LCOR: variants seen among roughly 807,000 people sequenced by gnomAD.
LCOR encodes ligand dependent nuclear receptor corepressor.
Under a neutral mutation model 64.4 loss-of-function variants are expected in LCOR, and 14 were observed. That is an observed-to-expected ratio of 0.22 (90% confidence interval 0.14 to 0.34). The LOEUF (loss-of-function observed/expected upper bound fraction) is 0.34, where lower values mean the gene tolerates loss of function less well. LCOR is among the 10% of genes least tolerant of loss of function. The pLI, the probability that LCOR is intolerant of heterozygous loss-of-function variation, is 1.00. For missense variants in LCOR, 1,686 were observed against 1,765.3 expected (o/e 0.96, Z 0.80); for synonymous variants, 643 against 642.5 (o/e 1.00, Z -0.01).
intron 2 of LCOR, among the ~76,000 whole-genome samples, chr10:96,862,761 A>C (rs1285318256): frequency 1.3e-5 from 2 of 152,228 alleles, no homozygotes; most frequent in African/African-American, 4.8e-5. Context: ...GTACAAAAAG[A>C]CAACACTTTG....
At chr10:96,944,734 A>T (rs897552174) in intron 5 of LCOR, among the ~76,000 whole-genome samples, 5 of 152,038 alleles carry the variant, frequency 3.3e-5, no homozygotes, top group Admixed American at 1.3e-4. Flanking sequence ...TTAGGGAAAT[A>T]ATTATTATGT....
At position 96,993,780 on chromosome 10, in the gene LCOR, G is replaced by T. The variant is rs1022358463; in HGVS notation, c.*8646G>T. 1.3e-5 allele frequency: 2 copies of T among 149,118 alleles called. No homozygotes were observed. Among genetic ancestry groups the T allele is most frequent in the Non-Finnish European group, 3.0e-5 (2 of 67,530 alleles). The allele number at this position is 149,118 out of a possible 1,614,324, so 9.2% of individuals were successfully genotyped here. On this transcript the variant is annotated 3_prime_UTR_variant, in exon 8 of 8. Transcript: ENST00000421806. Reference sequence around the variant, plus strand: ...ATATATTATATATATATATATACAGGTGTATGATAAACTGGTCAGTGGTCA... The same window carrying T: ...ATATATTATATATATATATATACAGTTGTATGATAAACTGGTCAGTGGTCA...
At chr10:96,974,927 G>A (rs2134557401) in intron 7 of LCOR, among the ~76,000 whole-genome samples, 1 of 152,356 alleles carries the variant, frequency 6.6e-6, no homozygotes, top group East Asian at 1.9e-4. Flanking sequence ...CCAGCACTTT[G>A]GGAAGCCGAG....
chr10:96,832,896 G>C, intron 1 of LCOR: 1 of 760,022 alleles, frequency 1.3e-6, no homozygotes, highest in Non-Finnish European at 1.6e-6. Flanking sequence ...CGCGGGGCGC[G>C]CCCCCGGGTC....
At chr10:96,862,851 A>T (rs977512232) in intron 2 of LCOR, among the ~76,000 whole-genome samples, 4 of 151,886 alleles carry the variant, frequency 2.6e-5, no homozygotes, top group Non-Finnish European at 5.9e-5. Flanking sequence ...TCTTTTTTAA[A>T]GTTTAGTAAT....
intron 2 of LCOR, among the ~76,000 whole-genome samples, chr10:96,897,512 A>G (rs576084632): frequency 3.3e-5 from 5 of 152,344 alleles, no homozygotes; most frequent in African/African-American, 1.2e-4. Flanking sequence ...TGGATTTCCA[A>G]AGACTTAATC....
At chr10:96,844,578 G>A (rs1460362834) in intron 2 of LCOR, among the ~76,000 whole-genome samples, 1 of 152,100 alleles carries the variant, frequency 6.6e-6, no homozygotes, top group African/African-American at 2.4e-5. Context: ...CTCTTCAGCT[G>A]TCACAGTCCT....
chr10:96,957,061 T>A (rs894683372), intron 7 of LCOR: 1 of 985,330 alleles, frequency 1.0e-6, no homozygotes, highest in Middle Eastern at 5.2e-4. Flanking sequence ...CCGATATGAT[T>A]TAGGATGCAT....
intron 7 of LCOR, chr10:96,956,635 T>C (rs903955138): frequency 2.5e-5 from 25 of 985,768 alleles, no homozygotes; most frequent in Admixed American, 6.1e-5. Flanking sequence ...GTTAATTACT[T>C]TGAACACTAC....
chr10:96,887,722 C>G (rs947842723), intron 2 of LCOR, among the ~76,000 whole-genome samples: 1 of 151,306 alleles, frequency 6.6e-6, no homozygotes, highest in African/African-American at 2.4e-5. Context: ...TTACTCTCAC[C>G]CAGGCTATAG....
rs147562020 is a variant in LCOR at position 96,899,958 on chromosome 10, T to C, written c.-329-7307T>C. On this transcript the variant is annotated intron_variant, in intron 2 of 7. Coordinates refer to ENST00000421806, the MANE Select transcript of LCOR (RefSeq NM_001346516.2). ...ATTTACATACCTTACAATTCACCTA[T>C]TTTAAGTGTGCAGTTCACCGATTTT... Among the ~76,000 whole-genome samples, 545 of 152,278 alleles carry C rather than the reference T, an allele frequency of 3.6e-3. 3 individuals are homozygous for C. The highest frequency in any genetic ancestry group is 0.012 in the African/African-American group (503 of 41,574).
At chr10:96,842,710 A>C (rs1340792020) in intron 2 of LCOR, among the ~76,000 whole-genome samples, 3 of 141,038 alleles carry the variant, frequency 2.1e-5, no homozygotes, top group Non-Finnish European at 4.6e-5. Context: ...GGCTCACTGC[A>C]TCCTTTTCCT....
intron 4 of LCOR, among the ~76,000 whole-genome samples, chr10:96,943,340 G>T (rs1342750923): frequency 1.3e-5 from 2 of 152,088 alleles, no homozygotes; most frequent in African/African-American, 4.8e-5. Flanking sequence ...CAAGTGATCC[G>T]CCCGCCTCGG....
At chr10:96,934,818 T>A (rs1281252760) in intron 4 of LCOR, among the ~76,000 whole-genome samples, 1 of 152,176 alleles carries the variant, frequency 6.6e-6, no homozygotes, top group East Asian at 1.9e-4. Flanking sequence ...GCCAGACTGG[T>A]GTCAAACTCC....
In LCOR at chr10:96,921,397, A is replaced by G. The variant is rs188667863; in HGVS notation, c.-184+13650A>G. On this transcript the variant is annotated intron_variant, in intron 4 of 7. Transcript: ENST00000421806. ...TTTAGCTCTTACAATTAGGTCTTCA[A>G]TCTATTTTGAGTAAATTTTTATATA... Among the ~76,000 whole-genome samples, 111 of 152,250 alleles carry G rather than the reference A, an allele frequency of 7.3e-4. 1 individual carries two copies. Among genetic ancestry groups the G allele is most frequent in the African/African-American group, 2.3e-3 (96 of 41,532 alleles).
chr10:96,874,252 G>T (rs1006021479), intron 2 of LCOR, among the ~76,000 whole-genome samples: 9 of 152,058 alleles, frequency 5.9e-5, no homozygotes, highest in African/African-American at 1.7e-4. Context: ...TTCCACGTGC[G>T]CCATCATTAA....
At chr10:96,866,908 C>G in intron 2 of LCOR, among the ~76,000 whole-genome samples, 1 of 152,144 alleles carries the variant, frequency 6.6e-6, no homozygotes. Flanking sequence ...TGTGCCACCA[C>G]TTTACATTCC....
intron 2 of LCOR, among the ~76,000 whole-genome samples, chr10:96,839,184 A>G (rs1389261935): frequency 6.6e-6 from 1 of 152,162 alleles, no homozygotes; most frequent in Non-Finnish European, 1.5e-5. Context: ...ATTTATTCAG[A>G]TCCCTTGCCC....
chr10:96,948,450 C>T (rs1847623421), intron 5 of LCOR, among the ~76,000 whole-genome samples: 1 of 152,156 alleles, frequency 6.6e-6, no homozygotes, highest in South Asian at 2.1e-4. Context: ...GCTGTTTTTG[C>T]AAAGCTGTCA....
Sources: gnomAD v4.1 joint callset for allele counts (sites outside exome capture counted in the v4.1 genomes callset) on GRCh38, gnomAD v4.1.1 for gene constraint, MANE v1.5 for transcripts, NCBI Gene and HGNC (gene_info 2026-07-23, HGNC 2026-07-21) for gene names.